Variants in PRP4K observed in about 807,000 individuals in gnomAD.
The protein encoded by PRP4K is pre-mRNA processing factor kinase PRP4K, also known as serine/threonine-protein kinase PRP4 homolog.
At chr6:4,040,955 G>T in the PRP4K span, 1 of 1,578,284 alleles carries the variant, frequency 6.3e-7, no homozygotes, top group South Asian at 1.1e-5. Flanking sequence ...CCATAACTTT[G>T]TTTTTCCAGT....
the PRP4K span, chr6:4,044,001 A>G: frequency 6.2e-7 from 1 of 1,614,096 alleles, no homozygotes; most frequent in Non-Finnish European, 8.5e-7. Flanking sequence ...AGCATAATCT[A>G]ATGACAGTTG....
the PRP4K span, chr6:4,037,440 A>G: frequency 6.2e-7 from 1 of 1,614,054 alleles, no homozygotes; most frequent in Non-Finnish European, 8.5e-7. Flanking sequence ...TGAAAGATCA[A>G]AAGATGCCAG....
At chr6:4,060,851 A>G in the PRP4K span, 1 of 523,842 alleles carries the variant, frequency 1.9e-6, no homozygotes, top group South Asian at 2.3e-5. This position sits in a 1 kb window ranked among gnomAD's most constrained non-coding sequence, Gnocchi z 4.7. Context: ...GCACAAAATT[A>G]CAGTGCTAAT....
the PRP4K span, chr6:4,056,592 A>T: frequency 6.3e-7 from 1 of 1,592,238 alleles, no homozygotes; most frequent in Non-Finnish European, 8.5e-7. Context: ...GGTGGAATGA[A>T]GGTAGTTGTG....
the PRP4K span, among the ~76,000 whole-genome samples, chr6:4,046,377 TGTAA>T: frequency 6.6e-6 from 1 of 152,188 alleles, no homozygotes; most frequent in African/African-American, 2.4e-5. Flanking sequence ...TTTCCCTTAA[TGTAA>T]GTGATAATGA....
chr6:4,028,516 T>C, the PRP4K span, among the ~76,000 whole-genome samples: 2 of 152,134 alleles, frequency 1.3e-5, no homozygotes, highest in Non-Finnish European at 2.9e-5. Flanking sequence ...TGGTGGTGTT[T>C]TTATAATACC....
chr6:4,054,746 T>C, the PRP4K span, among the ~76,000 whole-genome samples: 29 of 152,124 alleles, frequency 1.9e-4, no homozygotes, highest in Non-Finnish European at 3.8e-4. Context: ...CCTCGTGATC[T>C]GCCCGCCTCG....
the PRP4K span, among the ~76,000 whole-genome samples, chr6:4,047,513 G>A: frequency 6.6e-6 from 1 of 152,164 alleles, no homozygotes; most frequent in African/African-American, 2.4e-5. Flanking sequence ...ACAGTATTGT[G>A]TATTTAAATA....
At chr6:4,056,243 T>G in the PRP4K span, 10 of 1,047,412 alleles carry the variant, frequency 9.5e-6, no homozygotes, top group South Asian at 1.4e-4. Context: ...ATAAAACTTT[T>G]CAAAGCCAAT....
the PRP4K span, chr6:4,049,717 A>G: frequency 6.2e-7 from 1 of 1,600,544 alleles, no homozygotes. Context: ...CTAATTTTTC[A>G]ATTTGCCTTT....
chr6:4,035,933 A>G, the PRP4K span, among the ~76,000 whole-genome samples: 1 of 152,064 alleles, frequency 6.6e-6, no homozygotes, highest in Non-Finnish European at 1.5e-5. Context: ...CCATTGCACT[A>G]CAGCCTGTGC....
chr6:4,041,601 T>A, the PRP4K span, among the ~76,000 whole-genome samples: 1 of 152,112 alleles, frequency 6.6e-6, no homozygotes. Context: ...AAGTGGAATA[T>A]CTCAAAAATA....
chr6:4,061,218 T>C, the PRP4K span: 1 of 152,978 alleles, frequency 6.5e-6, no homozygotes, highest in African/African-American at 2.4e-5. Context: ...AAATGAGGGA[T>C]GTTAGCTTTG....
At chr6:4,039,118 A>G in the PRP4K span, among the ~76,000 whole-genome samples, 1 of 151,962 alleles carries the variant, frequency 6.6e-6, no homozygotes, top group African/African-American at 2.4e-5. Context: ...CTTTTGCTGC[A>G]TGTTTACTTT....
the PRP4K span, chr6:4,040,999 A>G: frequency 1.4e-6 from 2 of 1,427,956 alleles, no homozygotes; most frequent in Non-Finnish European, 1.9e-6. Context: ...GAAATTGTTA[A>G]ATAATATCCA....
chr6:4,032,103 T>C, the PRP4K span: 1 of 1,612,828 alleles, frequency 6.2e-7, no homozygotes, highest in East Asian at 2.2e-5. Context: ...TAGACATAGG[T>C]CTGATAAAAA....
At chr6:4,038,831 AT>A in the PRP4K span, among the ~76,000 whole-genome samples, 1 of 151,338 alleles carries the variant, frequency 6.6e-6, no homozygotes, top group African/African-American at 2.4e-5. Context: ...GTGCCTCGGT[AT>A]GTAGATCTTT....
the PRP4K span, among the ~76,000 whole-genome samples, chr6:4,048,194 C>T: frequency 1.4e-4 from 22 of 151,806 alleles, no homozygotes; most frequent in African/African-American, 4.6e-4. Context: ...CTGGCTAATA[C>T]GGTGAAACCC....
the PRP4K span, among the ~76,000 whole-genome samples, chr6:4,044,542 G>A: frequency 6.2e-4 from 94 of 152,188 alleles, no homozygotes; most frequent in Middle Eastern, 3.4e-3. Context: ...TCATCATTTG[G>A]TGTCATTATG....
Sources: gnomAD v4.1 joint callset for allele counts (sites outside exome capture counted in the v4.1 genomes callset) on GRCh38, gnomAD v4.1.1 for gene constraint, Gnocchi (gnomAD v3.1) non-coding constraint, MANE v1.5 for transcripts, NCBI Gene and HGNC (gene_info 2026-07-23, HGNC 2026-07-21) for gene names.